Variants in CCNP observed in about 807,000 individuals in gnomAD.
CCNP encodes the protein cyclin-P.
A neutral mutation model predicts 19.6 loss-of-function variants in CCNP; 18 were observed. The ratio of observed to expected loss-of-function variants is 0.92; its 90% CI spans 0.64 to 1.36. The LOEUF is 1.36. Ranked by LOEUF, CCNP falls within the 40% of genes most tolerant of loss-of-function variation. The pLI is 0.00. For synonymous variants in CCNP, 228 were observed against 194.9 expected (o/e 1.17, Z -1.41); for missense variants, 440 against 424.4 (o/e 1.04, Z -0.32).
At position 40,226,577 on chromosome 19, in the gene CCNP, G is replaced by T. The variant is rs764865219; in HGVS notation, c.65C>A (p.Ala22Asp). 2 of 1,576,856 alleles carry T rather than the reference G, an allele frequency of 1.3e-6. No homozygotes were observed. The highest frequency in any genetic ancestry group is 1.9e-5 in the Admixed American group (1 of 52,876). ...ACTCTGCAAAGGAGAGGGCCTGGGG[G>T]CCCAGCGCCTAACGATAGGCCCGAG... ...SRLGPIVRRW[A>D]PRPSPLQSLA... Residue 22 changes from alanine to aspartate, a missense_variant, in exon 1 of 5, where the codon GCC (alanine) becomes GAC (aspartate). Ala to Asp is a moderately radical substitution (Grantham distance 126). Coordinates refer to ENST00000430325, the MANE Select transcript of CCNP (RefSeq NM_024877.4).
chr19:40,223,674 T>C (rs200017126), intron 3 of CCNP, 128 bp from the exon 4 acceptor site: 24 of 1,372,304 alleles, frequency 1.7e-5, no homozygotes, highest in Non-Finnish European at 2.5e-5. Flanking sequence ...TTGACTTGTG[T>C]CTGGAAGTCG....
chr19:40,226,271 T>G, intron 1 of CCNP, 104 bp downstream of exon 1: 2 of 988,802 alleles, frequency 2.0e-6, no homozygotes, highest in Non-Finnish European at 3.0e-6. Flanking sequence ...CTGCCAGTGA[T>G]AGGGAGGAGA....
Position 40,222,600 on chromosome 19 carries a change from T to C in CCNP, c.*452A>G. The C allele has an allele frequency of 2.5e-6, 1 of 397,574 alleles. No individual in the cohort carries two copies. The highest frequency in any genetic ancestry group is 4.4e-6 in the Non-Finnish European group (1 of 225,798). The allele number at this position is 397,574 out of a possible 1,614,324, so 24.6% of individuals were successfully genotyped here. On this transcript the variant is annotated 3_prime_UTR_variant, in exon 5 of 5. Coordinates refer to ENST00000430325, the MANE Select transcript of CCNP (RefSeq NM_024877.4). ...CCCACGGACGGGTCGGGGGCTCTCT[T>C]GAGATCGGGCACGCGTCCCGTCTTC...
In CCNP at chr19:40,222,286, T is replaced by A. The variant is rs1413726539; in HGVS notation, c.*766A>T. The stretch of plus-strand genomic sequence containing the variant: ...GGTTTTGTTTTTTGTTGTTGATTTT[T>A]TTGTGACTGAGTCCCAGTACTCAGG... On this transcript the variant is annotated 3_prime_UTR_variant, in exon 5 of 5. Coordinates refer to ENST00000430325, the MANE Select transcript of CCNP (RefSeq NM_024877.4). 2.5e-6 allele frequency: 1 copy of A among 398,738 alleles called. No homozygotes were observed. Among genetic ancestry groups the A allele is most frequent in the Admixed American group, 4.4e-5 (1 of 22,710 alleles). 24.7% of individuals were successfully genotyped at this position (398,738 alleles called of 1,614,324 possible).
In CCNP at chr19:40,223,412, G is replaced by A. The variant is rs759938170; in HGVS notation, c.648C>T (p.Ala216=). 77 of 1,582,410 alleles carry A rather than the reference G, an allele frequency of 4.9e-5. No individual in the cohort carries two copies. The highest frequency in any genetic ancestry group is 6.3e-5 in the Non-Finnish European group (73 of 1,165,562). ...PGPLLCLGLL[A]ALAGSSPQVM... ...CCTGGGGGCTGCTCCCTGCCAGCGC[G>A]GCCAGCAGCCCGAGGCACAGCAGCG... is the stretch of plus-strand genomic sequence containing the variant. The change falls in exon 4 of 5, where the codon GCC becomes GCT. Residue 216 remains alanine (A), a synonymous_variant. Transcript: ENST00000430325.
chr19:40,223,608 C>T (rs752508196), intron 3 of CCNP, 62 bp from the exon 4 acceptor site: 7 of 1,601,618 alleles, frequency 4.4e-6, no homozygotes, highest in Admixed American at 1.7e-5. Flanking sequence ...TTACTCCCTG[C>T]CCTGGAAAGG....
intron 1 of CCNP, among the ~76,000 whole-genome samples, chr19:40,225,274 G>C (rs949903010): frequency 6.6e-6 from 1 of 151,920 alleles, no homozygotes; most frequent in African/African-American, 2.4e-5. Context: ...GACCAGACTG[G>C]TCTTGAACTC....
rs956220765 is a variant in CCNP at position 40,223,136 on chromosome 19, T to C, written c.840A>G (p.Gly280=). The change falls in exon 5 of 5, where the codon GGA becomes GGG. Residue 280 remains glycine, a synonymous_variant. Transcript: ENST00000430325. ...QPELYRCSLG[G]GSVWGHRSFR... ...AGCTGCGGTGACCCCATACACTTCC[T>C]CCGCCAAGACTACACCTGTAAAGTT... 6.4e-7 allele frequency: 1 copy of C among 1,550,938 alleles called. No homozygotes were observed. The highest frequency in any genetic ancestry group is 8.7e-7 in the Non-Finnish European group (1 of 1,146,760).
At chr19:40,224,016 G>T (rs1474789903) in intron 3 of CCNP, among the ~76,000 whole-genome samples, 3 of 151,752 alleles carry the variant, frequency 2.0e-5, no homozygotes, top group Admixed American at 6.6e-5. Context: ...GTGCAGTAGC[G>T]CGATCTCACC....
chr19:40,224,346 G>T, intron 3 of CCNP, 142 bp downstream of exon 3: 1 of 944,692 alleles, frequency 1.1e-6, no homozygotes, highest in Non-Finnish European at 1.6e-6. Context: ...CTCCTCTTCT[G>T]TTTAAGGGAC....
rs1568500373 is a variant in CCNP, at chr19:40,222,417, G to A, written c.*635C>T. On this transcript the variant is annotated 3_prime_UTR_variant, in exon 5 of 5. Transcript: ENST00000430325. ...AAGACTGCGGCGCGACCCGGCGCGG[G>A]ACCTCGGAGCGCAGCGCGGGCCATG... 5.0e-6 allele frequency: 2 copies of A among 398,538 alleles called. No homozygotes were observed. Among genetic ancestry groups the A allele is most frequent in the Non-Finnish European group, 8.9e-6 (2 of 225,856 alleles). The allele number at this position is 398,538 out of a possible 1,614,324, so 24.7% of individuals were successfully genotyped here.
In CCNP at chr19:40,223,129, C is replaced by A; in HGVS notation, c.847G>T (p.Val283Leu). 1 of 1,551,518 alleles carries A rather than the reference C, an allele frequency of 6.4e-7. No individual in the cohort carries two copies. The highest frequency in any genetic ancestry group is 8.7e-7 in the Non-Finnish European group (1 of 1,146,920). The part of the protein sequence containing the change: ...LYRCSLGGGS[V>L]WGHRSFRDLP... Reference sequence around the variant, plus strand: ...TCCCTGAAGCTGCGGTGACCCCATACACTTCCTCCGCCAAGACTACACCTG... The same window carrying A: ...TCCCTGAAGCTGCGGTGACCCCATAAACTTCCTCCGCCAAGACTACACCTG... Residue 283 changes from valine (V) to leucine (L), a missense_variant, in exon 5 of 5, where the codon GTA becomes TTA. Transcript: ENST00000430325.
rs1568500643 is a variant in CCNP, at chr19:40,222,914, T to C, written c.*138A>G. The C allele has an allele frequency of 1.7e-5, 10 of 587,446 alleles. No individual in the cohort carries two copies. The South Asian group carries it at 2.3e-4, about 14-fold the overall frequency. The allele number at this position is 587,446 out of a possible 1,614,324, so 36.4% of individuals were successfully genotyped here. A position where few individuals can be genotyped will look rare whatever the true frequency, so the allele number is the denominator to read the frequency against. ...CTTCGTTCTCAGCCCTGGAAGGCAATAGGAGCATCTTCTGGGCCTGGGAGA... is the reference window on the plus strand; with the variant it reads ...CTTCGTTCTCAGCCCTGGAAGGCAACAGGAGCATCTTCTGGGCCTGGGAGA... On this transcript the variant is annotated 3_prime_UTR_variant, in exon 5 of 5. Coordinates refer to ENST00000430325, the MANE Select transcript of CCNP (RefSeq NM_024877.4).
intron 3 of CCNP, 60 bp from the exon 4 acceptor site, chr19:40,223,606 T>C: frequency 1.2e-6 from 2 of 1,602,648 alleles, no homozygotes; most frequent in Non-Finnish European, 1.7e-6. Context: ...CTTTACTCCC[T>C]GCCCTGGAAA....
At position 40,226,575 on chromosome 19, in the gene CCNP, G is replaced by A; in HGVS notation, c.67C>T (p.Pro23Ser). Residue 23 changes from proline to serine, a missense_variant, in exon 1 of 5, where the codon CCC becomes TCC. Coordinates refer to ENST00000430325, the MANE Select transcript of CCNP (RefSeq NM_024877.4). The stretch of plus-strand genomic sequence containing the variant: ...AGACTCTGCAAAGGAGAGGGCCTGG[G>A]GGCCCAGCGCCTAACGATAGGCCCG... ...RLGPIVRRWA[P>S]RPSPLQSLAA... The A allele has an allele frequency of 6.3e-7, 1 of 1,577,192 alleles. No individual in the cohort carries two copies. Among genetic ancestry groups the A allele is most frequent in the Admixed American group, 1.9e-5 (1 of 52,736 alleles).
intron 3 of CCNP, chr19:40,223,758 G>A: frequency 1.5e-6 from 1 of 663,006 alleles, no homozygotes; most frequent in Non-Finnish European, 2.7e-6. Context: ...TGCTCACTGT[G>A]TGACATAGGA....
chr19:40,225,046 A>G, intron 1 of CCNP: 1 of 512,324 alleles, frequency 2.0e-6, no homozygotes. Context: ...GTCTCCCTCT[A>G]GGTTCCCAGA....
chr19:40,223,943 C>G (rs1973498162), intron 3 of CCNP, among the ~76,000 whole-genome samples: 1 of 151,796 alleles, frequency 6.6e-6, no homozygotes, highest in Non-Finnish European at 1.5e-5. Flanking sequence ...GAGACGAGGT[C>G]ACCTTGGCTC....
chr19:40,223,543 C>G lies in CCNP; in HGVS notation c.517G>C (p.Ala173Pro). The G allele has an allele frequency of 6.3e-7, 1 of 1,596,792 alleles. No homozygotes were observed. Among genetic ancestry groups the G allele is most frequent in the Non-Finnish European group, 8.6e-7 (1 of 1,168,570 alleles). ...KMEECVLPEP[A>P]FLCLLSADSF... is the part of the protein sequence containing the mutation. ...TCCGCGCTCAGGAGGCAGAGGAAGG[C>G]GGGCTGCAGATGGGGGATGCGGGGG... Residue 173 changes from alanine (A) to proline (P), a missense_variant, in exon 4 of 5, where the codon GCC (alanine) becomes CCC (proline). Ala to Pro is a conservative substitution (Grantham distance 27, BLOSUM62 -1). Coordinates refer to ENST00000430325, the MANE Select transcript of CCNP (RefSeq NM_024877.4).
Sources: allele counts gnomAD v4.1 joint callset (sites outside exome capture counted in the v4.1 genomes callset), GRCh38; gene constraint gnomAD v4.1.1; transcripts MANE v1.5; gene names NCBI Gene and HGNC (gene_info 2026-07-23, HGNC 2026-07-21).